The following CSMD1 variants were observed in gnomAD, a reference collection of about 807,000 sequenced individuals.
CSMD1 encodes CUB and sushi domain-containing protein 1.
Under a neutral mutation model 417.5 loss-of-function variants are expected in CSMD1, and 213 were observed. The observed-to-expected ratio is 0.51, with a 90% CI of 0.46 to 0.57. CSMD1 has a LOEUF of 0.57. CSMD1 is among the 20% of genes least tolerant of loss of function. The probability of loss-of-function intolerance (pLI) is 0.00; values close to 1 mark genes in which losing one functional copy is unlikely to be tolerated. For synonymous variants in CSMD1, 2,862 were observed against 1,736.8 expected, an observed-to-expected ratio of 1.65 and a Z score of -16.11; for missense variants, 6,923 against 4,529.7, an observed-to-expected ratio of 1.53 and a Z score of -15.17.
At chr8:4,152,023 T>C (rs1196183765) in intron 3 of CSMD1, among the ~76,000 whole-genome samples, 1 of 152,158 alleles carries the variant, frequency 6.6e-6, no homozygotes, top group Non-Finnish European at 1.5e-5. Context: ...TCAATGTGTT[T>C]AGCTCGATAC....
chr8:4,734,165 C>G (rs745340757), intron 1 of CSMD1, among the ~76,000 whole-genome samples: 6 of 151,982 alleles, frequency 3.9e-5, no homozygotes, highest in African/African-American at 7.3e-5. Context: ...TATAATAGAG[C>G]TTGTACTGGG....
rs115883404 is a variant in CSMD1 at position 3,607,090 on chromosome 8, A to G, written c.1097+9620T>C. On this transcript the variant is annotated intron_variant, in intron 8 of 69. Transcript: ENST00000635120. ...CACAAACACATAGTACAGCTGTACAAAAGTGTTTTTTCTTAATATTTTTAT... is the reference window on the plus strand; with the variant it reads ...CACAAACACATAGTACAGCTGTACAGAAGTGTTTTTTCTTAATATTTTTAT... 3.3e-3 allele frequency among the ~76,000 whole-genome samples: 499 copies of G among 152,340 alleles called. 4 individuals carry two copies. The highest frequency in any genetic ancestry group is 0.012 in the African/African-American group (483 of 41,578).
chr8:4,748,257 A>G (rs1043643099), intron 1 of CSMD1, among the ~76,000 whole-genome samples: 7 of 152,236 alleles, frequency 4.6e-5, no homozygotes, highest in African/African-American at 1.7e-4. Context: ...ACCGATTACA[A>G]TCTTTAGAAA....
At chr8:3,551,293 C>G (rs1431420926) in intron 10 of CSMD1, among the ~76,000 whole-genome samples, 1 of 152,110 alleles carries the variant, frequency 6.6e-6, no homozygotes, top group Non-Finnish European at 1.5e-5. Flanking sequence ...ACAGGACTGT[C>G]ATATCCAAAC....
intron 50 of CSMD1, among the ~76,000 whole-genome samples, chr8:3,041,172 C>A (rs1187608319): frequency 6.6e-6 from 1 of 152,008 alleles, no homozygotes; most frequent in Non-Finnish European, 1.5e-5. Context: ...CATTTTTGGA[C>A]TTAATAAAAA....
chr8:3,575,446 G>C (rs1169238405), intron 9 of CSMD1, among the ~76,000 whole-genome samples: 1 of 152,112 alleles, frequency 6.6e-6, no homozygotes, highest in Non-Finnish European at 1.5e-5. Context: ...ACACCTAATT[G>C]TGTGCGACTG....
chr8:3,201,473 A>G (rs1037693738), intron 32 of CSMD1, 139 bp downstream of exon 32: 1 of 464,732 alleles, frequency 2.2e-6, no homozygotes, highest in Non-Finnish European at 3.8e-6. Flanking sequence ...CTAAAATAAG[A>G]TTTTTCTAAG....
intron 2 of CSMD1, among the ~76,000 whole-genome samples, chr8:4,445,070 C>G (rs1798702038): frequency 6.6e-6 from 1 of 152,188 alleles, no homozygotes; most frequent in Non-Finnish European, 1.5e-5. Context: ...TCATACAAAA[C>G]TACATGTTTA....
In CSMD1 at chr8:3,359,138, G is replaced by T. The variant is rs377398328; in HGVS notation, c.3304+14C>A. 6.2e-7 allele frequency: 1 copy of T among 1,613,214 alleles called. No individual in the cohort carries two copies. Among genetic ancestry groups the T allele is most frequent in the Non-Finnish European group, 8.5e-7 (1 of 1,179,450 alleles). The stretch of plus-strand genomic sequence containing the variant: ...CCCCATGGATGAATGAAATGAAAGC[G>T]TGTGACCACCTACCCACACACCTTG... On this transcript the variant is annotated intron_variant, in intron 21 of 69. Transcript: ENST00000635120.
Position 3,625,652 on chromosome 8 carries a change from T to C in CSMD1, c.1010-8855A>G, listed in dbSNP as rs566675120. Among the ~76,000 whole-genome samples the C allele has an allele frequency of 1.4e-4, 21 of 151,916 alleles. No homozygotes were observed. In the South Asian group the frequency reaches 3.1e-3, roughly 23 times the overall value. ...GTCCTAAAATATATAAATGATACAC[T>C]AAAAAAAATAACTCTATTGTACATA... On this transcript the variant is annotated intron_variant, in intron 7 of 69. Coordinates refer to ENST00000635120, the MANE Select transcript of CSMD1 (RefSeq NM_033225.6).
chr8:4,883,079 G>C (rs1803513447), intron 1 of CSMD1, among the ~76,000 whole-genome samples: 1 of 152,052 alleles, frequency 6.6e-6, no homozygotes, highest in South Asian at 2.1e-4. Flanking sequence ...CACTAGCAGA[G>C]AAAATCTGGA....
chr8:3,957,752 A>G (rs1241902357), intron 5 of CSMD1, among the ~76,000 whole-genome samples: 1 of 152,120 alleles, frequency 6.6e-6, no homozygotes, highest in Non-Finnish European at 1.5e-5. Flanking sequence ...AAGAAAAAAG[A>G]AAAGTATGAA....
intron 2 of CSMD1, among the ~76,000 whole-genome samples, chr8:4,635,596 G>A (rs564040976): frequency 1.1e-4 from 16 of 152,132 alleles, no homozygotes; most frequent in African/African-American, 3.6e-4. Flanking sequence ...TAATTTTAAC[G>A]TAGAGTCACA....
chr8:3,568,484 C>G (rs962502088), intron 10 of CSMD1, among the ~76,000 whole-genome samples: 5 of 152,124 alleles, frequency 3.3e-5, no homozygotes, highest in African/African-American at 1.2e-4. Flanking sequence ...TTTAAATCCT[C>G]AGAGTTTTTA....
chr8:4,329,494 G>C (rs987068182), intron 3 of CSMD1, among the ~76,000 whole-genome samples: 2 of 152,088 alleles, frequency 1.3e-5, no homozygotes, highest in African/African-American at 4.8e-5. Context: ...CACCACGTTG[G>C]CCAGGCCAGT....
chr8:3,394,854 G>C (rs1042088749), intron 17 of CSMD1, among the ~76,000 whole-genome samples: 16 of 152,092 alleles, frequency 1.1e-4, no homozygotes, highest in Admixed American at 9.8e-4. Context: ...TATATGTGAA[G>C]AGTAATAACT....
intron 12 of CSMD1, among the ~76,000 whole-genome samples, chr8:3,458,256 G>C (rs1816283195): frequency 1.3e-5 from 2 of 152,164 alleles, no homozygotes; most frequent in Non-Finnish European, 2.9e-5. Context: ...TTCTGCGTTA[G>C]AATTTAATGT....
chr8:3,695,903 T>C (rs1318570330), intron 7 of CSMD1, among the ~76,000 whole-genome samples: 1 of 152,236 alleles, frequency 6.6e-6, no homozygotes, highest in Non-Finnish European at 1.5e-5. Flanking sequence ...ATTTGATATC[T>C]TTCTAATTAT....
In CSMD1 at chr8:3,896,831, AC is replaced by A. The variant is rs140852220; in HGVS notation, c.818+101071del. Among the ~76,000 whole-genome samples the A allele has an allele frequency of 1.8e-3, 281 of 152,188 alleles. 4 individuals carry two copies. Among genetic ancestry groups the A allele is most frequent in the African/African-American group, 6.4e-3 (265 of 41,504 alleles). Reference sequence around the variant, plus strand: ...GGTCTGATTGTGACATCAAGTTTGAACCAAAAATAAATGTCAGGAAAAAAAT... The same window carrying A: ...GGTCTGATTGTGACATCAAGTTTGAACAAAAATAAATGTCAGGAAAAAAAT... On this transcript the variant is annotated intron_variant, in intron 5 of 69. Transcript: ENST00000635120.
Sources: gnomAD v4.1 joint callset for allele counts (sites outside exome capture counted in the v4.1 genomes callset) on GRCh38, gnomAD v4.1.1 for gene constraint, MANE v1.5 for transcripts, NCBI Gene and HGNC (gene_info 2026-07-23, HGNC 2026-07-21) for gene names.